The following NSMAF variants were observed in gnomAD, a reference collection of about 807,000 sequenced individuals.
NSMAF encodes protein FAN.
A neutral mutation model predicts 134.9 loss-of-function variants in NSMAF; 90 were observed. That is an observed-to-expected ratio of 0.67 (90% confidence interval 0.56 to 0.79). The LOEUF (loss-of-function observed/expected upper bound fraction) is 0.79. Among genes scored for constraint, NSMAF ranks in the 30% least tolerant of loss-of-function variants. NSMAF has a pLI of 0.00. For synonymous variants in NSMAF, 358 were observed against 389.6 expected (o/e 0.92, Z 0.96); for missense variants, 1,010 against 1,119.0 (o/e 0.90, Z 1.39).
chr8:58,638,489 A>G (rs989957624), intron 2 of NSMAF, among the ~76,000 whole-genome samples: 3 of 152,238 alleles, frequency 2.0e-5, no homozygotes, highest in African/African-American at 7.2e-5. Flanking sequence ...TATGCAGTCA[A>G]CTAATCATCC....
At chr8:58,658,811 G>T (rs1009906331) in intron 1 of NSMAF, among the ~76,000 whole-genome samples, 1 of 152,216 alleles carries the variant, frequency 6.6e-6, no homozygotes, top group African/African-American at 2.4e-5. Context: ...AAAGGGAACT[G>T]CTGTGAGACC....
chr8:58,649,910 T>G (rs1807545234), intron 1 of NSMAF, among the ~76,000 whole-genome samples: 1 of 152,228 alleles, frequency 6.6e-6, no homozygotes, highest in Admixed American at 6.5e-5. Flanking sequence ...TGGGGACTGG[T>G]GACAACAACT....
chr8:58,640,683 C>A (rs1807314585), intron 2 of NSMAF, among the ~76,000 whole-genome samples: 1 of 152,076 alleles, frequency 6.6e-6, no homozygotes, highest in Non-Finnish European at 1.5e-5. Flanking sequence ...CTAACTCCAA[C>A]TTTATAATTA....
chr8:58,624,035 ATT>A (rs11431046), intron 6 of NSMAF, among the ~76,000 whole-genome samples: 26,083 of 97,776 alleles, frequency 0.27, 1,637 homozygotes, highest in Middle Eastern at 0.3. Context: ...TAGAGTTAGG[ATT>A]TTTTTTTTTT....
At chr8:58,607,915 G>A (rs1229795873) in intron 10 of NSMAF, 75 bp from the exon 11 acceptor site, 7 of 1,208,844 alleles carry the variant, frequency 5.8e-6, no homozygotes, top group Admixed American at 1.8e-5. Flanking sequence ...TATCAGAAAG[G>A]GGAAAAAAAA....
At chr8:58,601,631 T>C in intron 14 of NSMAF, 96 bp from the exon 15 acceptor site, 5 of 1,422,226 alleles carry the variant, frequency 3.5e-6, no homozygotes, top group Non-Finnish European at 4.7e-6. Flanking sequence ...ATAACATAGA[T>C]ATACCATATT....
In NSMAF at chr8:58,606,010, T is replaced by C. The variant is rs1380675980; in HGVS notation, c.785A>G (p.Asp262Gly). 3 of 1,592,906 alleles carry C rather than the reference T, an allele frequency of 1.9e-6. No individual in the cohort carries two copies. The highest frequency in any genetic ancestry group is 2.6e-6 in the Non-Finnish European group (3 of 1,173,088). ...PLGLEVFCTE[D>G]DLCSDIYLKF... ...TAGGTAGATGTCGGAACACAGATCA[T>C]CTTCTGTGCAAAATACTTCCAAGCC... Residue 262 changes from aspartate (D) to glycine (G), a missense_variant, in exon 12 of 31, where the codon GAT (aspartate) becomes GGT (glycine). Physicochemically the swap from Asp to Gly is moderately conservative, Grantham distance 94 (BLOSUM62 -1). Coordinates refer to ENST00000038176, the MANE Select transcript of NSMAF (RefSeq NM_003580.4).
chr8:58,623,005 A>T (rs908451452), intron 9 of NSMAF, among the ~76,000 whole-genome samples: 1 of 152,192 alleles, frequency 6.6e-6, no homozygotes, highest in African/African-American at 2.4e-5. Flanking sequence ...CAGAAACCGA[A>T]GCATCTAACA....
Position 58,595,746 on chromosome 8 carries a change from C to T in NSMAF, c.1793-87G>A. The T allele has an allele frequency of 3.7e-6, 3 of 806,244 alleles. No individual in the cohort carries two copies. In the South Asian group the frequency reaches 4.3e-5, roughly 12 times the overall value. 49.9% of individuals were successfully genotyped at this position (806,244 alleles called of 1,614,324 possible). On this transcript the variant is annotated intron_variant, in intron 21 of 30. Coordinates refer to ENST00000038176, the MANE Select transcript of NSMAF (RefSeq NM_003580.4). ...GATTAACAATATTTTCTATTAAAAT[C>T]AAACAACTAAGAAATGAAACACCCT... is the stretch of plus-strand genomic sequence containing the variant.
rs748507983 is a variant in NSMAF at position 58,641,574 on chromosome 8, T to C, written c.149+1410A>G. 7.4e-4 allele frequency among the ~76,000 whole-genome samples: 113 copies of C among 152,382 alleles called. 1 individual carries two copies. The highest frequency in any genetic ancestry group is 1.1e-3 in the Non-Finnish European group (75 of 68,042). On this transcript the variant is annotated intron_variant, in intron 2 of 30. Transcript: ENST00000038176. ...ACATGTAGAGATCACTTCATAGCAT[T>C]ACAAAGAACTTCATTCCTTGTTGAA...
chr8:58,590,133 G>T, intron 24 of NSMAF, 59 bp from the exon 25 acceptor site: 1 of 1,438,824 alleles, frequency 7.0e-7, no homozygotes. Context: ...CTCTAACACA[G>T]TAAAGCTATC....
chr8:58,601,660 A>C, intron 14 of NSMAF, 125 bp from the exon 15 acceptor site: 1 of 1,312,938 alleles, frequency 7.6e-7, no homozygotes, highest in Non-Finnish European at 1.0e-6. Context: ...TCTCTGTTAG[A>C]TAAGAAAAGG....
At chr8:58,629,959 T>C (rs1807019900) in intron 6 of NSMAF, among the ~76,000 whole-genome samples, 1 of 152,192 alleles carries the variant, frequency 6.6e-6, no homozygotes, top group South Asian at 2.1e-4. Context: ...ATCTGTACTC[T>C]GAGACAGAAG....
intron 7 of NSMAF, 58 bp downstream of exon 7, chr8:58,623,651 T>G: frequency 1.4e-6 from 2 of 1,459,088 alleles, no homozygotes; most frequent in Non-Finnish European, 9.5e-7. Flanking sequence ...AATACGAAAT[T>G]TATAAAAACA....
Position 58,584,069 on chromosome 8 carries a change from T to C in NSMAF, c.*37A>G. The C allele has an allele frequency of 6.8e-7, 1 of 1,468,308 alleles. No homozygotes were observed. The highest frequency in any genetic ancestry group is 9.5e-7 in the Non-Finnish European group (1 of 1,047,492). The allele number at this position is 1,468,308 out of a possible 1,614,324, so 91.0% of individuals were successfully genotyped here. ...AAGTTTGGTTTAAAAATGCATTAAA[T>C]AGAGTTCAATTTAATATTCAGGAGA... On this transcript the variant is annotated 3_prime_UTR_variant, in exon 31 of 31. Coordinates refer to ENST00000038176, the MANE Select transcript of NSMAF (RefSeq NM_003580.4).
chr8:58,658,323 G>A (rs1049040200), intron 1 of NSMAF, among the ~76,000 whole-genome samples: 7 of 152,168 alleles, frequency 4.6e-5, no homozygotes, highest in African/African-American at 1.7e-4. Context: ...CCCTTTCTGT[G>A]ACTAAAACCT....
chr8:58,612,907 C>G (rs1490797026), intron 9 of NSMAF, among the ~76,000 whole-genome samples: 1 of 152,068 alleles, frequency 6.6e-6, no homozygotes, highest in African/African-American at 2.4e-5. Context: ...GGGCTCTTCA[C>G]CGGAAACAAT....
At chr8:58,653,807 C>T (rs1470049874) in intron 1 of NSMAF, among the ~76,000 whole-genome samples, 1 of 152,064 alleles carries the variant, frequency 6.6e-6, no homozygotes, top group African/African-American at 2.4e-5. Context: ...TATTTTATAT[C>T]ACACTAAAAA....
chr8:58,653,139 G>C (rs980925724), intron 1 of NSMAF, among the ~76,000 whole-genome samples: 1 of 152,152 alleles, frequency 6.6e-6, no homozygotes, highest in Non-Finnish European at 1.5e-5. Context: ...GGAGAGTAAA[G>C]ATAATGATTA....
Sources: gnomAD v4.1 joint callset for allele counts (sites outside exome capture counted in the v4.1 genomes callset) on GRCh38, gnomAD v4.1.1 for gene constraint, MANE v1.5 for transcripts, NCBI Gene and HGNC (gene_info 2026-07-23, HGNC 2026-07-21) for gene names.